Variants in SH3BGRL2 observed in about 807,000 individuals in gnomAD.
SH3BGRL2 encodes SH3 domain binding glutamate rich protein like 2, also known as SH3 domain-binding glutamic acid-rich-like protein 2.
A neutral mutation model predicts 14.8 loss-of-function variants in SH3BGRL2; 21 were observed. The observed-to-expected ratio is 1.42, with a 90% CI of 1.01 to 2.05. The LOEUF is 2.05. Ranked by LOEUF, SH3BGRL2 falls within the 30% of genes most tolerant of loss-of-function variation. The pLI, the probability that SH3BGRL2 is intolerant of heterozygous loss-of-function variation, is 0.00. For synonymous variants in SH3BGRL2, 50 were observed against 47.8 expected, an observed-to-expected ratio of 1.05 and a Z score of -0.19; for missense variants, 147 against 130.8, an observed-to-expected ratio of 1.12 and a Z score of -0.61.
chr6:79,603,073 G>T, the SH3BGRL2 span, among the ~76,000 whole-genome samples: 2 of 152,132 alleles, frequency 1.3e-5, no homozygotes, highest in African/African-American at 4.8e-5. Flanking sequence ...AAGTGCTGTT[G>T]CTATGGAAAC....
the SH3BGRL2 span, among the ~76,000 whole-genome samples, chr6:79,566,428 G>C: frequency 6.6e-6 from 1 of 152,098 alleles, no homozygotes. Flanking sequence ...GACATCTCAA[G>C]TATGTTCTCA....
At chr6:79,543,092 C>T in the SH3BGRL2 span, among the ~76,000 whole-genome samples, 3 of 152,150 alleles carry the variant, frequency 2.0e-5, no homozygotes, top group African/African-American at 4.8e-5. Flanking sequence ...GAGGATAAAT[C>T]AGATTTGTCT....
chr6:79,688,198 T>TAA (rs759008383), intron 2 of SH3BGRL2, among the ~76,000 whole-genome samples: 1 of 141,490 alleles, frequency 7.1e-6, no homozygotes. Context: ...ATGAGAGATT[T>TAA]AAAAAAAAAA....
the SH3BGRL2 span, among the ~76,000 whole-genome samples, chr6:79,602,377 A>T: frequency 2.0e-5 from 3 of 152,238 alleles, no homozygotes; most frequent in East Asian, 5.8e-4. Flanking sequence ...TAAAAACAAG[A>T]GATAAAATGT....
chr6:79,702,332 T>C lies in SH3BGRL2; in HGVS notation c.*2823T>C, dbSNP rs1770477807. 1 of 152,526 alleles carries C rather than the reference T, an allele frequency of 6.6e-6. No homozygotes were observed. Among genetic ancestry groups the C allele is most frequent in the African/African-American group, 2.4e-5 (1 of 41,410 alleles). The allele number at this position is 152,526 out of a possible 1,614,324, so 9.4% of individuals were successfully genotyped here. A position where few individuals can be genotyped will look rare whatever the true frequency, so the allele number is the denominator to read the frequency against. On this transcript the variant is annotated 3_prime_UTR_variant, in exon 4 of 4. Coordinates refer to ENST00000369838, the MANE Select transcript of SH3BGRL2 (RefSeq NM_031469.4). ...GTTGTGTTTGATTTTACTATAGGGG[T>C]TTTGCTTTTTCTAGAGATACTTTTC...
At chr6:79,695,470 A>T (rs1269573697) in intron 2 of SH3BGRL2, among the ~76,000 whole-genome samples, 1 of 152,168 alleles carries the variant, frequency 6.6e-6, no homozygotes, top group African/African-American at 2.4e-5. Context: ...TTAACAATGG[A>T]TTCATTAGCG....
intron 2 of SH3BGRL2, among the ~76,000 whole-genome samples, chr6:79,692,524 A>G (rs1770242267): frequency 6.6e-6 from 1 of 152,098 alleles, no homozygotes; most frequent in Admixed American, 6.5e-5. Flanking sequence ...ATCTTGAATT[A>G]ATTTTTGTAT....
the SH3BGRL2 span, among the ~76,000 whole-genome samples, chr6:79,557,359 G>T: frequency 6.6e-6 from 1 of 151,794 alleles, no homozygotes; most frequent in South Asian, 2.1e-4. Flanking sequence ...ATCTGTAATT[G>T]CTTTGCCTAA....
the SH3BGRL2 span, among the ~76,000 whole-genome samples, chr6:79,548,129 A>G: frequency 1.3e-5 from 2 of 152,296 alleles, no homozygotes; most frequent in Non-Finnish European, 2.9e-5. Context: ...TCAGCCTCCC[A>G]AAGTGCTGGG....
At chr6:79,542,706 A>G in the SH3BGRL2 span, among the ~76,000 whole-genome samples, 24,194 of 151,962 alleles carry the variant, frequency 0.16, 2,143 homozygotes, top group South Asian at 0.22. Context: ...GTTAGGGAGA[A>G]GTTCCTTCTC....
the SH3BGRL2 span, among the ~76,000 whole-genome samples, chr6:79,559,615 A>G: frequency 1.3e-5 from 2 of 152,230 alleles, no homozygotes; most frequent in Non-Finnish European, 1.5e-5. Context: ...GGAAACAAAA[A>G]TGCTATACAG....
chr6:79,590,426 TATATATATA>T, the SH3BGRL2 span, among the ~76,000 whole-genome samples: 328 of 55,892 alleles, frequency 5.9e-3, 2 homozygotes, highest in Middle Eastern at 0.021. Context: ...GAAAATGTGA[TATATATATA>T]TATATATATA....
intron 1 of SH3BGRL2, among the ~76,000 whole-genome samples, chr6:79,648,294 T>TTTGACA (rs1562146776): frequency 5.1e-5 from 4 of 78,276 alleles, no homozygotes; most frequent in African/African-American, 1.8e-4. Context: ...TTGACATATA[T>TTTGACA]TATATATAAT....
At chr6:79,608,509 T>C in the SH3BGRL2 span, among the ~76,000 whole-genome samples, 1 of 152,200 alleles carries the variant, frequency 6.6e-6, no homozygotes, top group African/African-American at 2.4e-5. Context: ...CACTGTGTCG[T>C]ACAAAGGGCT....
chr6:79,562,529 A>G, the SH3BGRL2 span, among the ~76,000 whole-genome samples: 1 of 152,172 alleles, frequency 6.6e-6, no homozygotes, highest in Non-Finnish European at 1.5e-5. Context: ...AAGTAACCAG[A>G]TCAATGTTGG....
chr6:79,695,638 T>C (rs1770315979), intron 2 of SH3BGRL2, among the ~76,000 whole-genome samples: 1 of 152,214 alleles, frequency 6.6e-6, no homozygotes, highest in South Asian at 2.1e-4. Flanking sequence ...AACATATTTC[T>C]TTGCCTTGAG....
At position 79,700,476 on chromosome 6, in the gene SH3BGRL2, A is replaced by G. The variant is rs1770431992; in HGVS notation, c.*967A>G. 6.6e-6 allele frequency: 1 copy of G among 152,308 alleles called. No homozygotes were observed. Among genetic ancestry groups the G allele is most frequent in the East Asian group, 1.9e-4 (1 of 5,182 alleles). 9.4% of individuals were successfully genotyped at this position (152,308 alleles called of 1,614,324 possible). ...ATATATTTTGTGAACCCTTGATTAG[A>G]CATATTAAAATATACCAATGTTGTA... is the stretch of plus-strand genomic sequence containing the variant. On this transcript the variant is annotated 3_prime_UTR_variant, in exon 4 of 4. Transcript: ENST00000369838.
chr6:79,628,134 C>T (rs1056203497), upstream of SH3BGRL2, among the ~76,000 whole-genome samples: 3 of 151,972 alleles, frequency 2.0e-5, no homozygotes, highest in South Asian at 2.1e-4. Context: ...TCATGACGGC[C>T]GTTTGATCCA....
the SH3BGRL2 span, among the ~76,000 whole-genome samples, chr6:79,589,772 A>G: frequency 6.6e-6 from 1 of 152,020 alleles, no homozygotes; most frequent in Admixed American, 6.6e-5. Context: ...GTTTTGTTTC[A>G]TTTTTTGTTT....
Sources: allele counts gnomAD v4.1 joint callset (sites outside exome capture counted in the v4.1 genomes callset), GRCh38; gene constraint gnomAD v4.1.1; transcripts MANE v1.5; gene names NCBI Gene and HGNC (gene_info 2026-07-23, HGNC 2026-07-21).